Variants in HSF5 observed in about 807,000 individuals in gnomAD.
HSF5 encodes the protein heat shock transcription factor 5.
HSF5 carries 5 observed loss-of-function variants against 50.8 expected under a neutral mutation model. The observed-to-expected ratio is 0.10, with a 90% CI of 0.05 to 0.21. The LOEUF (loss-of-function observed/expected upper bound fraction) is 0.21, where lower values mean the gene tolerates loss of function less well. Ranked by LOEUF, HSF5 falls within the 10% of genes least tolerant of loss-of-function variation. HSF5 has a pLI of 1.00. For synonymous variants in HSF5, 307 were observed against 307.4 expected, an observed-to-expected ratio of 1.00 and a Z score of 0.02; for missense variants, 564 against 762.6, an observed-to-expected ratio of 0.74 and a Z score of 3.07.
intron 5 of HSF5, among the ~76,000 whole-genome samples, chr17:58,436,836 A>G (rs756788432): frequency 3.9e-5 from 6 of 151,980 alleles, no homozygotes; most frequent in East Asian, 1.9e-4. Context: ...AAAAAAACCA[A>G]CCATAACAAC....
chr17:58,469,644 T>C (rs1207343447), intron 2 of HSF5, among the ~76,000 whole-genome samples: 2 of 152,198 alleles, frequency 1.3e-5, no homozygotes, highest in Admixed American at 1.3e-4. Flanking sequence ...GTGCCTAGTA[T>C]ATGAAAAAAT....
intron 2 of HSF5, chr17:58,476,624 T>A: frequency 1.9e-6 from 3 of 1,546,334 alleles, no homozygotes; most frequent in Non-Finnish European, 2.7e-6. Flanking sequence ...ACTTCAACTC[T>A]GGTCAAATAA....
In HSF5 at chr17:58,476,133, C is replaced by T. The variant is rs1598200776; in HGVS notation, c.925+3760G>A. On this transcript the variant is annotated intron_variant, in intron 2 of 5. Coordinates refer to ENST00000323777, the MANE Select transcript of HSF5 (RefSeq NM_001080439.3). ...CAGAATCCATCAGTGTTCTATTAGT[C>T]ATCTTCTCCTTCATCCTTCTCTCCT... is the stretch of plus-strand genomic sequence containing the variant. The T allele has an allele frequency of 1.1e-5, 11 of 1,040,502 alleles. No individual in the cohort carries two copies. The East Asian group carries it at 3.0e-4, about 29-fold the overall frequency. The allele number at this position is 1,040,502 out of a possible 1,614,324, so 64.5% of individuals were successfully genotyped here.
At position 58,463,002 on chromosome 17, in the gene HSF5, G is replaced by C. The variant is rs2143782281; in HGVS notation, c.1322C>G (p.Ser441Cys). ...PLTPVGSDIM[S>C]FVVGTEQAVA... ...TGCTTGTTCTGTTCCAACCACAAAAGACATAATATCTGAGCCTACAGGAGT... is the reference window on the plus strand; with the variant it reads ...TGCTTGTTCTGTTCCAACCACAAAACACATAATATCTGAGCCTACAGGAGT... The change falls in exon 4 of 6, where the codon TCT (serine) becomes TGT (cysteine). Residue 441 changes from serine to cysteine, a missense_variant. Physicochemically the swap from Ser to Cys is moderately radical, Grantham distance 112. Around this residue, in one of 5 missense-constraint regions of HSF5, gnomAD observed 441 missense variants for 533.6 expected, o/e 0.83. Coordinates refer to ENST00000323777, the MANE Select transcript of HSF5 (RefSeq NM_001080439.3). 6.2e-7 allele frequency: 1 copy of C among 1,614,200 alleles called. No homozygotes were observed.
At chr17:58,480,380 C>A (rs548533088) in intron 1 of HSF5, 113 bp from the exon 2 acceptor site, 154 of 1,012,054 alleles carry the variant, frequency 1.5e-4, no homozygotes, top group Middle Eastern at 3.2e-4. Flanking sequence ...TTTAACACAA[C>A]AGAAGTTTAG....
chr17:58,457,974 T>C (rs557167920), intron 5 of HSF5, among the ~76,000 whole-genome samples: 99 of 152,248 alleles, frequency 6.5e-4, no homozygotes, highest in Non-Finnish European at 1.3e-3. Context: ...ATTAATTTAC[T>C]TTTTGGAAAA....
intron 3 of HSF5, among the ~76,000 whole-genome samples, chr17:58,466,085 T>C (rs919723344): frequency 6.6e-6 from 1 of 152,128 alleles, no homozygotes; most frequent in Non-Finnish European, 1.5e-5. Flanking sequence ...ATAATTAGAT[T>C]TTATGTTTAG....
At chr17:58,435,111 A>G (rs1021498245) in intron 5 of HSF5, among the ~76,000 whole-genome samples, 10 of 152,246 alleles carry the variant, frequency 6.6e-5, no homozygotes, top group Admixed American at 3.3e-4. Context: ...AAACAGGGTC[A>G]CAGCCACGAA....
intron 4 of HSF5, among the ~76,000 whole-genome samples, chr17:58,459,356 T>C (rs938135476): frequency 2.0e-5 from 3 of 151,980 alleles, no homozygotes; most frequent in Non-Finnish European, 4.4e-5. Context: ...TTTTAAAAAG[T>C]TTTTTTGTAG....
intron 1 of HSF5, among the ~76,000 whole-genome samples, chr17:58,484,520 G>A (rs1420519405): frequency 6.6e-6 from 1 of 152,006 alleles, no homozygotes; most frequent in Non-Finnish European, 1.5e-5. Flanking sequence ...TTTGTTTGAA[G>A]TGGTTATCCC....
chr17:58,474,564 T>C (rs1258631981), intron 2 of HSF5, among the ~76,000 whole-genome samples: 2 of 152,188 alleles, frequency 1.3e-5, no homozygotes, highest in Non-Finnish European at 2.9e-5. Flanking sequence ...CAATTTATAA[T>C]TTACATCAAG....
chr17:58,452,108 G>C (rs564826754), intron 5 of HSF5, among the ~76,000 whole-genome samples: 1 of 151,722 alleles, frequency 6.6e-6, no homozygotes, highest in Non-Finnish European at 1.5e-5. Context: ...AATTAGCCAA[G>C]CATGGTGTCA....
At position 58,421,746 on chromosome 17, in the gene HSF5, T is replaced by C. The variant is rs912961163; in HGVS notation, c.*614A>G. On this transcript the variant is annotated 3_prime_UTR_variant, in exon 6 of 6. Coordinates refer to ENST00000323777, the MANE Select transcript of HSF5 (RefSeq NM_001080439.3). ...AAGAATCAGGGGCTGTTAAGTGTGA[T>C]AGATGGTCCAAGTCCGGATGCCTTG... The C allele has an allele frequency of 1.3e-5, 2 of 152,554 alleles. No individual in the cohort carries two copies. The highest frequency in any genetic ancestry group is 2.9e-5 in the Non-Finnish European group (2 of 68,046). The allele number at this position is 152,554 out of a possible 1,614,324, so 9.5% of individuals were successfully genotyped here. A position where few individuals can be genotyped will look rare whatever the true frequency, so the allele number is the denominator to read the frequency against.
At chr17:58,442,688 G>A (rs1462103132) in intron 5 of HSF5, among the ~76,000 whole-genome samples, 1 of 152,180 alleles carries the variant, frequency 6.6e-6, no homozygotes, top group East Asian at 1.9e-4. Context: ...AGTAGAGTTT[G>A]TCTCATAAGT....
intron 4 of HSF5, among the ~76,000 whole-genome samples, chr17:58,460,232 C>CAACAGGA (rs1974772368): frequency 2.0e-5 from 3 of 151,946 alleles, no homozygotes; most frequent in African/African-American, 7.3e-5. Flanking sequence ...TTGCCCAGAC[C>CAACAGGA]AGTCTGGACT....
chr17:58,433,911 A>ATTT (rs59043902), intron 5 of HSF5, among the ~76,000 whole-genome samples: 1 of 109,362 alleles, frequency 9.1e-6, no homozygotes, highest in African/African-American at 3.6e-5. Context: ...GGTCAAAGGG[A>ATTT]TTTTTTTTTT....
chr17:58,424,593 C>G (rs944188359), intron 5 of HSF5, among the ~76,000 whole-genome samples: 3 of 136,048 alleles, frequency 2.2e-5, no homozygotes, highest in African/African-American at 8.4e-5. Context: ...GCCTGGGCGA[C>G]AGAGTGAGAC....
At chr17:58,472,231 G>A (rs1435356809) in intron 2 of HSF5, among the ~76,000 whole-genome samples, 1 of 152,192 alleles carries the variant, frequency 6.6e-6, no homozygotes, top group Admixed American at 6.5e-5. Flanking sequence ...CAACTCAGGA[G>A]GCTAAGCAGG....
chr17:58,429,627 A>G (rs1974338465), intron 5 of HSF5, among the ~76,000 whole-genome samples: 1 of 152,082 alleles, frequency 6.6e-6, no homozygotes. Flanking sequence ...TGGATGGATC[A>G]CCTGAGGTCA....
Sources: gnomAD v4.1 joint callset for allele counts (sites outside exome capture counted in the v4.1 genomes callset) on GRCh38, gnomAD v4.1.1 for gene constraint, gnomAD v4.1.1 regional missense constraint, MANE v1.5 for transcripts, NCBI Gene and HGNC (gene_info 2026-07-23, HGNC 2026-07-21) for gene names.